YBEY: variants seen among roughly 807,000 people sequenced by gnomAD.
The protein encoded by YBEY is ybeY metalloendoribonuclease.
Under a neutral mutation model 13.5 loss-of-function variants are expected in YBEY, and 15 were observed. The ratio of observed to expected loss-of-function variants is 1.11; its 90% CI spans 0.75 to 1.72. The LOEUF is 1.72. Ranked by LOEUF, YBEY falls within the 40% of genes most tolerant of loss-of-function variation. The pLI is 0.00. For missense variants in YBEY, 244 were observed against 208.4 expected (o/e 1.17, Z -1.05); for synonymous variants, 101 against 83.1 (o/e 1.21, Z -1.17).
At chr21:46,298,480 G>A (rs1418329973), downstream of YBEY, among the ~76,000 whole-genome samples, 3 of 113,666 alleles carry the variant, frequency 2.6e-5, no homozygotes, top group Non-Finnish European at 5.4e-5. Context: ...CCAGGCTGGA[G>A]TGCAGTGGTG....
rs1319470765 is a variant in YBEY, at chr21:46,287,294, A to G, written c.210+171A>G. Among the ~76,000 whole-genome samples, 5 of 152,052 alleles carry G rather than the reference A, an allele frequency of 3.3e-5. No individual in the cohort carries two copies. In the South Asian group the frequency reaches 1.0e-3, roughly 31 times the overall value. On this transcript the variant is annotated intron_variant, in intron 2 of 4. Transcript: ENST00000397701. The stretch of plus-strand genomic sequence containing the variant: ...CACTGCAACCTCCCTTCCTGGTTCA[A>G]GTGATTCTTTTGCCTCAGCCTCCCC...
At chr21:46,297,870 CCT>C (rs2082003153), downstream of YBEY, 26 of 964,240 alleles carry the variant, frequency 2.7e-5, no homozygotes, top group South Asian at 1.2e-3. Context: ...GCAGCGCTCG[CCT>C]CTCGCCCTTC....
chr21:46,309,290 G>A, the YBEY span, among the ~76,000 whole-genome samples: 305 of 151,968 alleles, frequency 2.0e-3, 1 homozygote, highest in African/African-American at 6.8e-3. Flanking sequence ...GTGAAACCCC[G>A]TCTCTACTAA....
At chr21:46,289,003 C>T (rs1253977849) in intron 2 of YBEY, among the ~76,000 whole-genome samples, 4 of 152,194 alleles carry the variant, frequency 2.6e-5, no homozygotes, top group South Asian at 2.1e-4. Flanking sequence ...CACCCTGGGC[C>T]ACAGAGTAAC....
chr21:46,311,164 C>T, the YBEY span, among the ~76,000 whole-genome samples: 104 of 152,182 alleles, frequency 6.8e-4, no homozygotes, highest in African/African-American at 2.2e-3. Flanking sequence ...GCCACCGAGC[C>T]GGGCCCTAAA....
At chr21:46,297,103 A>T (rs891109418) in intron 4 of YBEY, among the ~76,000 whole-genome samples, 1 of 152,052 alleles carries the variant, frequency 6.6e-6, no homozygotes, top group African/African-American at 2.4e-5. Context: ...GTTCAAGACC[A>T]GTCTGGCCAA....
intron 3 of YBEY, among the ~76,000 whole-genome samples, chr21:46,292,617 T>A (rs2081770802): frequency 8.8e-6 from 1 of 114,172 alleles, no homozygotes; most frequent in African/African-American, 3.6e-5. Flanking sequence ...CGGGACTCAG[T>A]GGGGACAGCC....
chr21:46,312,741 T>C, the YBEY span, among the ~76,000 whole-genome samples: 539 of 152,316 alleles, frequency 3.5e-3, 2 homozygotes, highest in Non-Finnish European at 6.2e-3. Flanking sequence ...TAATTTGCAT[T>C]TCCCTAATGA....
At chr21:46,295,507 C>T (rs1569103375) in intron 3 of YBEY, among the ~76,000 whole-genome samples, 1 of 152,100 alleles carries the variant, frequency 6.6e-6, no homozygotes, top group Non-Finnish European at 1.5e-5. Flanking sequence ...TCCTCCTCTT[C>T]CCCCAGCTCT....
chr21:46,289,612 A>AT lies in YBEY; in HGVS notation c.211-1709dup, dbSNP rs983006869. ...AGGCGCCCACCACCACATCTGGCTA[A>AT]TTTTTTTTTTTTTGTATTTTTAGTA... On this transcript the variant is annotated intron_variant, in intron 2 of 4. Transcript: ENST00000397701. Among the ~76,000 whole-genome samples, 391 of 142,928 alleles carry AT rather than the reference A, an allele frequency of 2.7e-3. 1 individual carries two copies. Among genetic ancestry groups the AT allele is most frequent in the African/African-American group, 7.5e-3 (292 of 39,046 alleles). The allele number at this position is 142,928 out of a possible 152,430, so 93.8% of individuals were successfully genotyped here. A position where few individuals can be genotyped will look rare whatever the true frequency, so the allele number is the denominator to read the frequency against.
chr21:46,301,463 G>A (rs1389050920), downstream of YBEY: 2 of 897,174 alleles, frequency 2.2e-6, no homozygotes, highest in African/African-American at 6.4e-5. Context: ...GTGGGAGTCT[G>A]TGCCACAGCT....
chr21:46,302,649 T>C (rs2082162731), downstream of YBEY: 2 of 1,209,890 alleles, frequency 1.7e-6, no homozygotes, highest in East Asian at 2.5e-5. Flanking sequence ...TAGAGCATTA[T>C]AGGACCAGAG....
intron 2 of YBEY, among the ~76,000 whole-genome samples, chr21:46,291,021 A>C (rs2081680215): frequency 1.4e-5 from 2 of 146,720 alleles, no homozygotes; most frequent in Non-Finnish European, 3.0e-5. Context: ...TGTCTCAGGA[A>C]AAAAAAAAAA....
At chr21:46,306,962 C>A in the YBEY span, among the ~76,000 whole-genome samples, 1 of 151,916 alleles carries the variant, frequency 6.6e-6, no homozygotes, top group Non-Finnish European at 1.5e-5. Flanking sequence ...GTGGCGTGAT[C>A]TCAGCTCACT....
downstream of YBEY, among the ~76,000 whole-genome samples, chr21:46,299,484 G>A (rs1370713485): frequency 6.6e-6 from 1 of 152,138 alleles, no homozygotes; most frequent in South Asian, 2.1e-4. Context: ...GCAAGCCAGA[G>A]TGTCGTCAGA....
At chr21:46,291,539 G>A (rs771078489) in intron 3 of YBEY, 77 bp downstream of exon 3, 32 of 1,583,218 alleles carry the variant, frequency 2.0e-5, no homozygotes, top group Non-Finnish European at 2.6e-5. Flanking sequence ...TCACAACCCT[G>A]CATCCATGTG....
intron 3 of YBEY, among the ~76,000 whole-genome samples, chr21:46,292,583 CCCG>C (rs1437658894): frequency 0.081 from 9,036 of 111,374 alleles, 266 homozygotes; most frequent in African/African-American, 0.12. Flanking sequence ...TTAAATTCCT[CCCG>C]CGGTTAGCCT....
the YBEY span, among the ~76,000 whole-genome samples, chr21:46,306,434 G>C: frequency 6.6e-6 from 1 of 152,110 alleles, no homozygotes; most frequent in Non-Finnish European, 1.5e-5. Flanking sequence ...AGGAGGCGGA[G>C]GTTGCATTGA....
the YBEY span, among the ~76,000 whole-genome samples, chr21:46,304,822 G>A: frequency 6.2e-4 from 95 of 152,204 alleles, 1 homozygote; most frequent in Non-Finnish European, 1.1e-3. Flanking sequence ...CAACCCAAGT[G>A]TACATCAGTA....
Sources: allele counts gnomAD v4.1 joint callset (sites outside exome capture counted in the v4.1 genomes callset), GRCh38; gene constraint gnomAD v4.1.1; transcripts MANE v1.5; gene names NCBI Gene and HGNC (gene_info 2026-07-23, HGNC 2026-07-21).